TRPM3: variants seen among roughly 807,000 people sequenced by gnomAD.
The protein encoded by TRPM3 is transient receptor potential cation channel subfamily M member 3, also known as long transient receptor potential channel 3.
In TRPM3, 77 loss-of-function variants were observed where a neutral mutation model predicts 181.2. The observed-to-expected ratio is 0.42, with a 90% confidence interval of 0.35 to 0.51. The LOEUF is 0.51. Ranked by LOEUF, TRPM3 falls within the 20% of genes least tolerant of loss-of-function variation. TRPM3 has a pLI of 0.01. For missense variants in TRPM3, 1,759 were observed against 2,196.7 expected (o/e 0.80, Z 3.98); for synonymous variants, 745 against 796.4 (o/e 0.94, Z 1.09).
chr9:70,591,319 T>TG, intron 21 of TRPM3, 114 bp from the exon 22 acceptor site: 1 of 805,992 alleles, frequency 1.2e-6, no homozygotes. Context: ...TCTAGACTGC[T>TG]GGGAAGGGAT....
intron 1 of TRPM3, among the ~76,000 whole-genome samples, chr9:71,432,169 T>C (rs2093964557): frequency 6.6e-6 from 1 of 152,168 alleles, no homozygotes; most frequent in Non-Finnish European, 1.5e-5. Flanking sequence ...ACTGCTCACA[T>C]TAATACAGGA....
At chr9:70,914,030 C>G (rs1305164365) in intron 1 of TRPM3, among the ~76,000 whole-genome samples, 2 of 152,086 alleles carry the variant, frequency 1.3e-5, no homozygotes, top group Non-Finnish European at 2.9e-5. Flanking sequence ...CGATAAATAC[C>G]ACACTATGGT....
At chr9:71,267,214 T>C (rs1043488788) in intron 1 of TRPM3, among the ~76,000 whole-genome samples, 3 of 152,148 alleles carry the variant, frequency 2.0e-5, no homozygotes, top group Non-Finnish European at 4.4e-5. Flanking sequence ...GTCACCTCCT[T>C]AGAAAAGCCC....
chr9:71,162,330 G>A (rs1257856170), intron 1 of TRPM3, among the ~76,000 whole-genome samples: 1 of 151,842 alleles, frequency 6.6e-6, no homozygotes, highest in African/African-American at 2.4e-5. Flanking sequence ...GTAACCTGTA[G>A]GTCTCATACC....
At chr9:71,350,920 C>A (rs1342113076) in intron 1 of TRPM3, among the ~76,000 whole-genome samples, 1 of 152,138 alleles carries the variant, frequency 6.6e-6, no homozygotes, top group African/African-American at 2.4e-5. Context: ...AATACCCTGG[C>A]AATTAGGCTA....
At chr9:71,385,251 A>G (rs1429932482) in intron 1 of TRPM3, among the ~76,000 whole-genome samples, 1 of 152,078 alleles carries the variant, frequency 6.6e-6, no homozygotes, top group Non-Finnish European at 1.5e-5. Flanking sequence ...ATCAATCTAG[A>G]AAACTAATTA....
At chr9:71,017,436 C>T (rs1166179959) in intron 1 of TRPM3, among the ~76,000 whole-genome samples, 1 of 151,588 alleles carries the variant, frequency 6.6e-6, no homozygotes, top group East Asian at 1.9e-4. Context: ...CTAAAAATTC[C>T]CCACAAAACT....
At chr9:71,408,436 C>T (rs2093478618) in intron 1 of TRPM3, among the ~76,000 whole-genome samples, 1 of 152,102 alleles carries the variant, frequency 6.6e-6, no homozygotes, top group Non-Finnish European at 1.5e-5. Flanking sequence ...AAAACCATGG[C>T]ACGAGAACTA....
intron 1 of TRPM3, among the ~76,000 whole-genome samples, chr9:70,889,347 A>G (rs145189183): frequency 3.3e-3 from 503 of 152,330 alleles, no homozygotes; most frequent in Middle Eastern, 0.014. Flanking sequence ...TGTACGGCTG[A>G]AAGTATGAGG....
intron 1 of TRPM3, among the ~76,000 whole-genome samples, chr9:71,110,952 T>C (rs1001633088): frequency 6.6e-6 from 1 of 152,202 alleles, no homozygotes; most frequent in African/African-American, 2.4e-5. Flanking sequence ...TGAAATGAAA[T>C]GTATATTGCA....
chr9:70,894,631 T>C (rs749248738), intron 1 of TRPM3, among the ~76,000 whole-genome samples: 6 of 152,116 alleles, frequency 3.9e-5, no homozygotes, highest in South Asian at 2.1e-4. Context: ...TTAGTTGCAG[T>C]TGAGAATTTT....
intron 1 of TRPM3, among the ~76,000 whole-genome samples, chr9:71,165,611 C>A (rs1333594298): frequency 6.6e-6 from 1 of 152,128 alleles, no homozygotes; most frequent in Non-Finnish European, 1.5e-5. Flanking sequence ...CAGTCTTTCT[C>A]CCTGCCCTCT....
chr9:70,746,274 A>C (rs1265802003), intron 8 of TRPM3, among the ~76,000 whole-genome samples: 2 of 151,352 alleles, frequency 1.3e-5, no homozygotes, highest in Admixed American at 6.6e-5. Flanking sequence ...AAACAGAGAG[A>C]GAGAGAGAGA....
chr9:71,338,093 A>ACAACAACAACAG (rs71352371), intron 1 of TRPM3, among the ~76,000 whole-genome samples: 4,747 of 103,584 alleles, frequency 0.046, 102 homozygotes, highest in South Asian at 0.12. Context: ...ACAACAACAG[A>ACAACAACAACAG]AAAAAAAAAA....
At chr9:70,748,862 G>A (rs924497589) in intron 8 of TRPM3, among the ~76,000 whole-genome samples, 1 of 151,960 alleles carries the variant, frequency 6.6e-6, no homozygotes, top group African/African-American at 2.4e-5. Context: ...TGACTGACGA[G>A]GGTTAAGAAA....
At chr9:70,804,028 T>C (rs1269918916) in intron 6 of TRPM3, among the ~76,000 whole-genome samples, 1 of 152,042 alleles carries the variant, frequency 6.6e-6, no homozygotes, top group African/African-American at 2.4e-5. Flanking sequence ...GCCTTGTCCC[T>C]TTCTCAAAAT....
intron 1 of TRPM3, among the ~76,000 whole-genome samples, chr9:70,999,901 G>C (rs1384936677): frequency 6.6e-6 from 1 of 152,184 alleles, no homozygotes; most frequent in Non-Finnish European, 1.5e-5. Flanking sequence ...TTGGGGGAAA[G>C]TGTGCTCTTT....
At chr9:70,854,840 GT>G (rs796679829) in intron 3 of TRPM3, among the ~76,000 whole-genome samples, 67 of 152,306 alleles carry the variant, frequency 4.4e-4, no homozygotes, top group African/African-American at 1.5e-3. Context: ...CTAGAGGCTA[GT>G]TCTAGTTGAA....
intron 1 of TRPM3, among the ~76,000 whole-genome samples, chr9:71,238,951 C>T (rs769579875): frequency 6.6e-6 from 1 of 152,130 alleles, no homozygotes; most frequent in Non-Finnish European, 1.5e-5. Flanking sequence ...TCCAACTCTA[C>T]CTGCTGTCAC....
Sources: gnomAD v4.1 joint callset for allele counts (sites outside exome capture counted in the v4.1 genomes callset) on GRCh38, gnomAD v4.1.1 for gene constraint, MANE v1.5 for transcripts, NCBI Gene and HGNC (gene_info 2026-07-23, HGNC 2026-07-21) for gene names.